The following LY6S variants were observed in gnomAD, a reference collection of about 807,000 sequenced individuals.
The protein encoded by LY6S is lymphocyte antigen 6 family member S.
the LY6S span, chr8:143,044,379 C>T: frequency 2.6e-6 from 1 of 391,152 alleles, no homozygotes; most frequent in African/African-American, 2.1e-5. Context: ...ATGGTTTCCA[C>T]AGTAATGAGG....
chr8:143,070,731 C>T, the LY6S span, among the ~76,000 whole-genome samples: 1 of 151,544 alleles, frequency 6.6e-6, no homozygotes, highest in African/African-American at 2.4e-5. Flanking sequence ...GTGATCCACT[C>T]GCCTCGGCCT....
At chr8:143,043,167 T>C in the LY6S span, 5 of 1,367,466 alleles carry the variant, frequency 3.7e-6, no homozygotes, top group African/African-American at 5.9e-5. Flanking sequence ...GAGCAGGAGC[T>C]GTACGCACAG....
At chr8:143,074,946 T>C in the LY6S span, among the ~76,000 whole-genome samples, 2 of 152,212 alleles carry the variant, frequency 1.3e-5, no homozygotes, top group African/African-American at 4.8e-5. Flanking sequence ...CATTTTCCAA[T>C]GCATTTGAAA....
the LY6S span, among the ~76,000 whole-genome samples, chr8:143,066,944 C>T: frequency 6.6e-6 from 1 of 152,186 alleles, no homozygotes; most frequent in Admixed American, 6.5e-5. Context: ...GAAAAGGCCT[C>T]AAAGGCATTT....
chr8:143,045,682 C>T, the LY6S span, among the ~76,000 whole-genome samples: 1 of 152,174 alleles, frequency 6.6e-6, no homozygotes, highest in African/African-American at 2.4e-5. The surrounding 1 kb of genome is among the most constrained non-coding windows in gnomAD (Gnocchi z 5.3). Flanking sequence ...GATTCTCAGC[C>T]ACTTGCCCTG....
At chr8:143,070,487 A>AT in the LY6S span, among the ~76,000 whole-genome samples, 3 of 84,114 alleles carry the variant, frequency 3.6e-5, no homozygotes, top group African/African-American at 7.6e-5. Context: ...ATATATATAT[A>AT]TATTTTTTTT....
At chr8:143,071,912 T>C in the LY6S span, among the ~76,000 whole-genome samples, 1 of 151,942 alleles carries the variant, frequency 6.6e-6, no homozygotes. Flanking sequence ...GTGTGCTGGG[T>C]TCAAGGTTAC....
At chr8:143,043,528 A>G in the LY6S span, among the ~76,000 whole-genome samples, 2 of 152,152 alleles carry the variant, frequency 1.3e-5, no homozygotes, top group East Asian at 1.9e-4. Flanking sequence ...GTTGTGGCAG[A>G]AAGGGCAGCA....
chr8:143,056,114 G>A, the LY6S span, among the ~76,000 whole-genome samples: 1 of 150,562 alleles, frequency 6.6e-6, no homozygotes, highest in Non-Finnish European at 1.5e-5. Flanking sequence ...TTTACACAGT[G>A]CCGCGGGTTT....
chr8:143,046,113 A>T, the LY6S span, among the ~76,000 whole-genome samples: 1 of 152,136 alleles, frequency 6.6e-6, no homozygotes, highest in South Asian at 2.1e-4. Flanking sequence ...TTGGCCTCCC[A>T]AAGTGCTACG....
chr8:143,051,605 C>T, the LY6S span, among the ~76,000 whole-genome samples: 3 of 151,948 alleles, frequency 2.0e-5, no homozygotes, highest in East Asian at 5.8e-4. Flanking sequence ...GACTCTAACA[C>T]CTGAAGGTTA....
the LY6S span, among the ~76,000 whole-genome samples, chr8:143,055,322 A>C: frequency 6.6e-6 from 1 of 152,212 alleles, no homozygotes; most frequent in Non-Finnish European, 1.5e-5. Context: ...GGGAAGGACC[A>C]AGGACAAAGT....
chr8:143,076,395 C>T, the LY6S span, among the ~76,000 whole-genome samples: 300 of 152,292 alleles, frequency 2.0e-3, 2 homozygotes, highest in African/African-American at 6.7e-3. Context: ...TCGCTGGGGA[C>T]GCCCAGACAC....
chr8:143,054,735 G>A, the LY6S span, among the ~76,000 whole-genome samples: 7 of 152,246 alleles, frequency 4.6e-5, no homozygotes, highest in South Asian at 2.1e-4. Flanking sequence ...AACATTGCGC[G>A]AGCCGCCTCT....
chr8:143,071,700 A>G, the LY6S span, among the ~76,000 whole-genome samples: 1 of 152,096 alleles, frequency 6.6e-6, no homozygotes, highest in East Asian at 1.9e-4. Flanking sequence ...GCTTCCACCC[A>G]CTGTCACTCT....
the LY6S span, among the ~76,000 whole-genome samples, chr8:143,059,033 C>T: frequency 6.6e-6 from 1 of 152,222 alleles, no homozygotes; most frequent in Non-Finnish European, 1.5e-5. Context: ...ATAATCATAT[C>T]TAAGATCTAT....
the LY6S span, among the ~76,000 whole-genome samples, chr8:143,061,038 A>G: frequency 0.14 from 21,097 of 152,200 alleles, 1,664 homozygotes; most frequent in East Asian, 0.34. Context: ...ATTAGTTCTC[A>G]CATTAAATGT....
the LY6S span, among the ~76,000 whole-genome samples, chr8:143,070,479 A>ATTTTTT: frequency 4.6e-5 from 4 of 86,090 alleles, no homozygotes; most frequent in East Asian, 4.3e-4. Context: ...ATATATAAAT[A>ATTTTTT]TATATATATA....
chr8:143,071,194 CAGCATGGAT>C, the LY6S span, among the ~76,000 whole-genome samples: 2 of 151,622 alleles, frequency 1.3e-5, no homozygotes, highest in African/African-American at 2.4e-5. Flanking sequence ...GAAGACCCGG[CAGCATGGAT>C]GTTGGGGAAG....
Sources: allele counts gnomAD v4.1 joint callset (sites outside exome capture counted in the v4.1 genomes callset), GRCh38; gene constraint gnomAD v4.1.1; non-coding constraint Gnocchi (gnomAD v3.1); transcripts MANE v1.5; gene names NCBI Gene and HGNC (gene_info 2026-07-23, HGNC 2026-07-21).